Variants in MIIP observed in about 807,000 individuals in gnomAD.
MIIP encodes the protein migration and invasion-inhibitory protein.
In MIIP, 44 loss-of-function variants were observed where a neutral mutation model predicts 44.8. The ratio of observed to expected loss-of-function variants is 0.98; its 90% confidence interval spans 0.77 to 1.26. The LOEUF is 1.26. Among genes scored for constraint, MIIP ranks in the 50% most tolerant of loss-of-function variants. The probability of loss-of-function intolerance (pLI) is 0.00; values close to 1 mark genes in which losing one functional copy is unlikely to be tolerated. For synonymous variants in MIIP, 225 were observed against 218.3 expected, an observed-to-expected ratio of 1.03 and a Z score of -0.27; for missense variants, 496 against 511.7, an observed-to-expected ratio of 0.97 and a Z score of 0.30.
At chr1:12,031,544 C>T in intron 9 of MIIP, 141 bp downstream of exon 9, 1 of 1,574,174 alleles carries the variant, frequency 6.4e-7, no homozygotes, top group Non-Finnish European at 8.6e-7. Flanking sequence ...TCTGCAGGGT[C>T]CAGCCCTCCA....
At chr1:12,023,704 A>G (rs1640040497) in intron 4 of MIIP, among the ~76,000 whole-genome samples, 1 of 147,878 alleles carries the variant, frequency 6.8e-6, no homozygotes, top group African/African-American at 2.5e-5. Context: ...TTGCTTTTTA[A>G]GAGAAGACAG....
chr1:12,031,233 G>A (rs1184705248), intron 8 of MIIP, 33 bp from the exon 9 acceptor site: 1 of 1,601,286 alleles, frequency 6.2e-7, no homozygotes, highest in African/African-American at 1.3e-5. Context: ...GCTTGTCCCA[G>A]GTCAGGCACT....
At chr1:12,029,197 C>A (rs762173810) in intron 5 of MIIP, 26 bp from the exon 6 acceptor site, 1 of 1,613,554 alleles carries the variant, frequency 6.2e-7, no homozygotes, top group South Asian at 1.1e-5. Flanking sequence ...CATCCCCCGG[C>A]CTGCTCATCC....
At chr1:12,024,308 A>G (rs1005497206) in intron 4 of MIIP, among the ~76,000 whole-genome samples, 29 of 152,182 alleles carry the variant, frequency 1.9e-4, no homozygotes, top group African/African-American at 3.4e-4. Flanking sequence ...CCCGACAGCA[A>G]CCTAACCTCA....
chr1:12,029,608 C>A, intron 6 of MIIP, 157 bp from the exon 7 acceptor site: 1 of 1,093,700 alleles, frequency 9.1e-7, no homozygotes, highest in Non-Finnish European at 1.3e-6. Flanking sequence ...GCGTGGGCCC[C>A]AGGTTCTGGG....
At chr1:12,021,284 C>T (rs1236241515) in intron 1 of MIIP, among the ~76,000 whole-genome samples, 6 of 151,894 alleles carry the variant, frequency 4.0e-5, no homozygotes, top group Admixed American at 3.9e-4. Flanking sequence ...GTCCCAGCTA[C>T]TCAGGAGGCT....
In MIIP at chr1:12,031,946, GCTT is replaced by G; in HGVS notation, c.*139_*141del. 1 of 777,928 alleles carries G rather than the reference GCTT, an allele frequency of 1.3e-6. No homozygotes were observed. The highest frequency in any genetic ancestry group is 2.1e-6 in the Non-Finnish European group (1 of 483,474). 48.2% of individuals were successfully genotyped at this position (777,928 alleles called of 1,614,324 possible). ...AGGTTGGGCAGGTGGGTGGACCCAA[GCTT>G]GTCTGCTGCCTGAGTTCCAGAGAGG... On this transcript the variant is annotated 3_prime_UTR_variant, in exon 10 of 10. Coordinates refer to ENST00000235332, the MANE Select transcript of MIIP (RefSeq NM_021933.4).
intron 6 of MIIP, 165 bp downstream of exon 6, chr1:12,029,446 T>TGGTA: frequency 1.2e-6 from 1 of 818,890 alleles, no homozygotes; most frequent in Non-Finnish European, 1.9e-6. Context: ...GGCCAAGCCC[T>TGGTA]GGTAGGGGTG....
intron 7 of MIIP, 41 bp downstream of exon 7, chr1:12,029,935 C>T (rs1640196945): frequency 1.2e-6 from 2 of 1,610,132 alleles, no homozygotes; most frequent in Non-Finnish European, 1.7e-6. Flanking sequence ...GGGACAGAGC[C>T]TGAACCACTG....
At chr1:12,020,873 G>A (rs1431475839) in intron 1 of MIIP, among the ~76,000 whole-genome samples, 3 of 151,938 alleles carry the variant, frequency 2.0e-5, no homozygotes, top group South Asian at 2.1e-4. Context: ...TAGTAGCGAC[G>A]AGGTCTCTCG....
At chr1:12,027,165 C>T (rs1640121997) in intron 4 of MIIP, among the ~76,000 whole-genome samples, 1 of 152,144 alleles carries the variant, frequency 6.6e-6, no homozygotes, top group Non-Finnish European at 1.5e-5. Context: ...TGCACCACTA[C>T]ACTCAGCTCA....
chr1:12,029,624 A>G, intron 6 of MIIP, 141 bp from the exon 7 acceptor site: 5 of 1,193,152 alleles, frequency 4.2e-6, no homozygotes, highest in Non-Finnish European at 3.5e-6. Context: ...CTGGGAGGAA[A>G]GGGGTTAGGA....
rs746986087 is a variant in MIIP, at chr1:12,022,892, A to G, written c.522A>G (p.Pro174=). The G allele has an allele frequency of 2.5e-6, 4 of 1,610,340 alleles. No homozygotes were observed. The highest frequency in any genetic ancestry group is 3.4e-5 in the Admixed American group (2 of 59,694). The change falls in exon 4 of 10, where the codon CCA becomes CCG. Residue 174 remains proline, a synonymous_variant. Coordinates refer to ENST00000235332, the MANE Select transcript of MIIP (RefSeq NM_021933.4). ...CTAAGAGGAGCTGGCGCCTCAGGCC[A>G]TACCTGGGCTATGACTGGATTGCAG... The part of the protein sequence containing the change: ...AVPKRSWRLR[P]YLGYDWIAGS...
Position 12,022,320 on chromosome 1 carries a change from G to T in MIIP, c.340G>T (p.Ala114Ser). Residue 114 changes from alanine (A) to serine (S), a missense_variant, in exon 3 of 10, where the codon GCA becomes TCA. Coordinates refer to ENST00000235332, the MANE Select transcript of MIIP (RefSeq NM_021933.4). ...ESLGRPRPHS[A>S]PSLGTSSLRD... Reference sequence around the variant, plus strand: ...CCTGGGCCGACCGAGACCCCACTCAGCACCCTCGCTGGGCACCTCAAGCCT... The same window carrying T: ...CCTGGGCCGACCGAGACCCCACTCATCACCCTCGCTGGGCACCTCAAGCCT... 1 of 1,613,894 alleles carries T rather than the reference G, an allele frequency of 6.2e-7. No homozygotes were observed. Among genetic ancestry groups the T allele is most frequent in the Admixed American group, 1.7e-5 (1 of 60,022 alleles).
chr1:12,028,023 A>T (rs1402238894), intron 4 of MIIP, among the ~76,000 whole-genome samples: 1 of 152,140 alleles, frequency 6.6e-6, no homozygotes, highest in Admixed American at 6.5e-5. Context: ...CCTGGCCAAG[A>T]TGGTGAAACC....
chr1:12,021,147 CACTTTGGGAG>C (rs1639964858), intron 1 of MIIP, among the ~76,000 whole-genome samples: 1 of 152,048 alleles, frequency 6.6e-6, no homozygotes, highest in African/African-American at 2.4e-5. Flanking sequence ...GTAATCCCAG[CACTTTGGGAG>C]ACCGAGGCAG....
intron 2 of MIIP, 90 bp downstream of exon 2, chr1:12,021,930 C>T (rs1331909252): frequency 3.2e-6 from 4 of 1,256,722 alleles, no homozygotes; most frequent in East Asian, 4.9e-5. Context: ...GTTCAATACA[C>T]CCATTTTACT....
chr1:12,029,566 C>A, intron 6 of MIIP, 199 bp from the exon 7 acceptor site: 1 of 766,924 alleles, frequency 1.3e-6, no homozygotes, highest in Non-Finnish European at 2.1e-6. Context: ...CTCCTGAGGG[C>A]CCCAGGAGGA....
rs114136497 is a variant in MIIP at position 12,031,868 on chromosome 1, G to A, written c.*60G>A. On this transcript the variant is annotated 3_prime_UTR_variant, in exon 10 of 10. Transcript: ENST00000235332. Reference sequence around the variant, plus strand: ...GCCTCCAGCCTCTCCCCTCTGGCAGGCGCACCCAGGAGATGGAATCCCCTG... The same window carrying A: ...GCCTCCAGCCTCTCCCCTCTGGCAGACGCACCCAGGAGATGGAATCCCCTG... 2 of 1,530,840 alleles carry A rather than the reference G, an allele frequency of 1.3e-6. No homozygotes were observed. Among genetic ancestry groups the A allele is most frequent in the Non-Finnish European group, 1.8e-6 (2 of 1,112,684 alleles). 94.8% of individuals were successfully genotyped at this position (1,530,840 alleles called of 1,614,324 possible). A position where few individuals can be genotyped will look rare whatever the true frequency, so the allele number is the denominator to read the frequency against.
Sources: allele counts gnomAD v4.1 joint callset (sites outside exome capture counted in the v4.1 genomes callset), GRCh38; gene constraint gnomAD v4.1.1; transcripts MANE v1.5; gene names NCBI Gene and HGNC (gene_info 2026-07-23, HGNC 2026-07-21).